Variants in PDGFD observed in about 807,000 individuals in gnomAD.
The protein encoded by PDGFD is platelet-derived growth factor D.
Under a neutral mutation model 44.7 loss-of-function variants are expected in PDGFD, and 30 were observed. The ratio of observed to expected loss-of-function variants is 0.67; its 90% CI spans 0.50 to 0.91. The LOEUF (loss-of-function observed/expected upper bound fraction) is 0.91, where lower values mean the gene tolerates loss of function less well. PDGFD is among the 40% of genes least tolerant of loss of function. The probability of loss-of-function intolerance (pLI) is 0.00; values close to 1 mark genes in which losing one functional copy is unlikely to be tolerated. For missense variants in PDGFD, 445 were observed against 457.8 expected, an observed-to-expected ratio of 0.97 and a Z score of 0.25; for synonymous variants, 173 against 168.4, an observed-to-expected ratio of 1.03 and a Z score of -0.21.
chr11:104,161,417 A>G (rs538222286), intron 1 of PDGFD, among the ~76,000 whole-genome samples: 49 of 152,182 alleles, frequency 3.2e-4, no homozygotes, highest in Non-Finnish European at 6.5e-4. Flanking sequence ...TTTTAATTTA[A>G]TAAGTTATAC....
At chr11:104,133,312 A>G (rs1365333330) in intron 1 of PDGFD, among the ~76,000 whole-genome samples, 2 of 152,184 alleles carry the variant, frequency 1.3e-5, no homozygotes, top group African/African-American at 2.4e-5. Flanking sequence ...AACAATTTTC[A>G]TCAAGAAGAG....
chr11:104,029,304 A>T (rs1452239464), intron 1 of PDGFD, among the ~76,000 whole-genome samples: 1 of 152,218 alleles, frequency 6.6e-6, no homozygotes, highest in Non-Finnish European at 1.5e-5. Context: ...GAGTTGATTT[A>T]TCTTTTATTT....
At chr11:103,909,950 AT>A in intron 6 of PDGFD, 131 bp from the exon 7 acceptor site, 1 of 1,064,440 alleles carries the variant, frequency 9.4e-7, no homozygotes, top group Non-Finnish European at 1.4e-6. Context: ...TGGGCTTGCT[AT>A]TAGAATGCAC....
In PDGFD at chr11:104,141,045, A is replaced by G. The variant is rs139403788; in HGVS notation, c.124+22759T>C. 6.6e-5 allele frequency among the ~76,000 whole-genome samples: 10 copies of G among 152,248 alleles called. No individual in the cohort carries two copies. In the East Asian group the frequency reaches 1.9e-3, roughly 29 times the overall value. ...GACCATCCTATCTTTGCTAGCTTCT[A>G]TCTCTCTTCTTCTCCAAACACAATT... On this transcript the variant is annotated intron_variant, in intron 1 of 6. Coordinates refer to ENST00000393158, the MANE Select transcript of PDGFD (RefSeq NM_025208.5).
chr11:103,995,615 C>A (rs1315873248), intron 3 of PDGFD, among the ~76,000 whole-genome samples: 2 of 152,194 alleles, frequency 1.3e-5, no homozygotes, highest in Non-Finnish European at 2.9e-5. Flanking sequence ...CTTCCCAAAT[C>A]TGGGTCATAA....
intron 1 of PDGFD, among the ~76,000 whole-genome samples, chr11:104,081,440 TG>T (rs1468745228): frequency 2.6e-5 from 4 of 152,200 alleles, no homozygotes; most frequent in South Asian, 2.1e-4. Context: ...TCTTTCAGTT[TG>T]TTTTTTAATG....
intron 1 of PDGFD, among the ~76,000 whole-genome samples, chr11:104,094,201 A>G (rs1298918158): frequency 6.6e-6 from 1 of 151,962 alleles, no homozygotes; most frequent in Non-Finnish European, 1.5e-5. Context: ...TGGCCATCGT[A>G]TCAGCACATC....
Position 104,153,806 on chromosome 11 carries a change from C to T in PDGFD, c.124+9998G>A, listed in dbSNP as rs538184049. Among the ~76,000 whole-genome samples the T allele has an allele frequency of 1.4e-4, 22 of 152,180 alleles. No individual in the cohort carries two copies. In the East Asian group the frequency reaches 4.1e-3, roughly 28 times the overall value. On this transcript the variant is annotated intron_variant, in intron 1 of 6. Transcript: ENST00000393158. ...GTAAGGCTCAGTAACAAGGTAGAAG[C>T]TAAAAATATATTTTTGGGGGTCATT...
At chr11:104,113,278 T>C (rs1861587595) in intron 1 of PDGFD, among the ~76,000 whole-genome samples, 1 of 152,106 alleles carries the variant, frequency 6.6e-6, no homozygotes, top group Admixed American at 6.6e-5. Flanking sequence ...ACTGAGGATG[T>C]TGCCATGTCC....
chr11:104,086,493 T>C (rs534613223), intron 1 of PDGFD, among the ~76,000 whole-genome samples: 86 of 152,352 alleles, frequency 5.6e-4, no homozygotes, highest in African/African-American at 2.1e-3. Flanking sequence ...TATTCCAATA[T>C]AGCCTAAAAA....
chr11:104,145,695 T>A (rs1862151679), intron 1 of PDGFD, among the ~76,000 whole-genome samples: 1 of 152,220 alleles, frequency 6.6e-6, no homozygotes, highest in Non-Finnish European at 1.5e-5. Flanking sequence ...TTCTCACTTA[T>A]ATCAAACTGT....
chr11:104,104,053 C>T (rs1861436224), intron 1 of PDGFD, among the ~76,000 whole-genome samples: 1 of 151,646 alleles, frequency 6.6e-6, no homozygotes, highest in Non-Finnish European at 1.5e-5. Flanking sequence ...TGATCCTGAC[C>T]CTGTGCAGGC....
intron 1 of PDGFD, among the ~76,000 whole-genome samples, chr11:104,071,090 T>C (rs1242331150): frequency 3.3e-5 from 5 of 151,776 alleles, no homozygotes; most frequent in Non-Finnish European, 1.5e-5. Context: ...TTAATATATA[T>C]AATGTTAAAT....
At chr11:104,078,347 T>C (rs145553173) in intron 1 of PDGFD, among the ~76,000 whole-genome samples, 15 of 152,322 alleles carry the variant, frequency 9.8e-5, no homozygotes, top group African/African-American at 2.6e-4. Context: ...AGGGTCTCTA[T>C]ATACACCCAT....
intron 5 of PDGFD, among the ~76,000 whole-genome samples, chr11:103,930,492 T>G (rs536653700): frequency 2.0e-5 from 3 of 151,724 alleles, no homozygotes; most frequent in African/African-American, 7.3e-5. Flanking sequence ...TGCTATGAAT[T>G]ACATACAATC....
intron 3 of PDGFD, among the ~76,000 whole-genome samples, chr11:103,979,687 C>A (rs1859237431): frequency 6.6e-6 from 1 of 152,038 alleles, no homozygotes; most frequent in South Asian, 2.1e-4. Context: ...AAGGATGGAA[C>A]ACAGAGATGG....
At chr11:103,996,353 T>C in intron 2 of PDGFD, 108 bp from the exon 3 acceptor site, 1 of 996,510 alleles carries the variant, frequency 1.0e-6, no homozygotes, top group Non-Finnish European at 1.5e-6. Context: ...ATGACCACAA[T>C]CTGAAATGAA....
chr11:104,053,382 A>T (rs1388086664), intron 1 of PDGFD, among the ~76,000 whole-genome samples: 14 of 152,226 alleles, frequency 9.2e-5, no homozygotes. Flanking sequence ...CTTTTCATAA[A>T]TGTGTATTTT....
rs1198529368 is a variant in PDGFD at position 103,925,716 on chromosome 11, C to CACACACATAT, written c.987+1195_987+1196insATATGTGTGT. ...ATATATATACACAGACACACACACA[C>CACACACATAT]ATATATATATATATATATATGTAAT... On this transcript the variant is annotated intron_variant, in intron 6 of 6. Coordinates refer to ENST00000393158, the MANE Select transcript of PDGFD (RefSeq NM_025208.5). 1.5e-3 allele frequency among the ~76,000 whole-genome samples: 190 copies of CACACACATAT among 122,774 alleles called. 1 individual carries two copies. Among genetic ancestry groups the CACACACATAT allele is most frequent in the East Asian group, 6.2e-3 (24 of 3,888 alleles). The allele number at this position is 122,774 out of a possible 152,430, so 80.5% of individuals were successfully genotyped here.
Sources: gnomAD v4.1 joint callset for allele counts (sites outside exome capture counted in the v4.1 genomes callset) on GRCh38, gnomAD v4.1.1 for gene constraint, MANE v1.5 for transcripts, NCBI Gene and HGNC (gene_info 2026-07-23, HGNC 2026-07-21) for gene names.